DNM3: variants seen among roughly 807,000 people sequenced by gnomAD.
DNM3 encodes dynamin 3.
A neutral mutation model predicts 101.6 loss-of-function variants in DNM3; 47 were observed. That is an observed-to-expected ratio of 0.46 (90% CI 0.37 to 0.59). The LOEUF (loss-of-function observed/expected upper bound fraction) is 0.59, where lower values mean the gene tolerates loss of function less well. Ranked by LOEUF, DNM3 falls within the 20% of genes least tolerant of loss-of-function variation. The pLI is 0.00. For missense variants in DNM3, 849 were observed against 1,085.7 expected (o/e 0.78, Z 3.06); for synonymous variants, 385 against 387.9 (o/e 0.99, Z 0.09).
chr1:172,238,081 C>T (rs2061611065), intron 14 of DNM3, among the ~76,000 whole-genome samples: 3 of 152,156 alleles, frequency 2.0e-5, no homozygotes, highest in Admixed American at 2.0e-4. Context: ...TACATTACTA[C>T]CACTTGGTGC....
chr1:172,235,455 A>G (rs989500381), intron 14 of DNM3, among the ~76,000 whole-genome samples: 10 of 152,324 alleles, frequency 6.6e-5, no homozygotes, highest in Admixed American at 2.0e-4. Flanking sequence ...CTCAGGATCT[A>G]GAACTAGAAA....
At chr1:172,045,024 G>A (rs2049674922) in intron 9 of DNM3, among the ~76,000 whole-genome samples, 1 of 137,518 alleles carries the variant, frequency 7.3e-6, no homozygotes, top group Non-Finnish European at 1.6e-5. Context: ...TAAAAGAAAG[G>A]GCTTTCCGGT....
chr1:172,333,013 G>A (rs2066256102), intron 17 of DNM3, among the ~76,000 whole-genome samples: 1 of 152,176 alleles, frequency 6.6e-6, no homozygotes, highest in Non-Finnish European at 1.5e-5. Flanking sequence ...ATAGAGAGCT[G>A]AGGACAAAAT....
chr1:171,863,001 T>C (rs2034335732), intron 1 of DNM3, among the ~76,000 whole-genome samples: 1 of 151,016 alleles, frequency 6.6e-6, no homozygotes, highest in African/African-American at 2.4e-5. Flanking sequence ...TGTAGATAAC[T>C]CTTCTGAGAA....
intron 14 of DNM3, among the ~76,000 whole-genome samples, chr1:172,243,206 A>G (rs1163331176): frequency 2.0e-5 from 3 of 152,132 alleles, no homozygotes; most frequent in Non-Finnish European, 4.4e-5. Context: ...TAAATTTAAG[A>G]ATATAGAGAT....
chr1:172,271,092 T>G (rs2063067221), intron 15 of DNM3, among the ~76,000 whole-genome samples: 1 of 152,164 alleles, frequency 6.6e-6, no homozygotes, highest in Admixed American at 6.6e-5. Context: ...TTTTCACTCT[T>G]AAAAATTGTT....
rs535271242 is a variant in DNM3 at position 172,347,759 on chromosome 1, C to T, written c.1893+24419C>T. On this transcript the variant is annotated intron_variant, in intron 17 of 20. Transcript: ENST00000627582. ...AATGGGGAAACACAGTATTCAAAGA[C>T]GACTAACAGAACGTTCATAACAGCA... Among the ~76,000 whole-genome samples the T allele has an allele frequency of 1.8e-4, 27 of 152,126 alleles. No homozygotes were observed. In the East Asian group the frequency reaches 4.8e-3, roughly 27 times the overall value.
intron 14 of DNM3, chr1:172,138,970 G>C (rs1403265502): frequency 4.2e-6 from 2 of 470,614 alleles, no homozygotes; most frequent in Non-Finnish European, 8.8e-6. Context: ...TCCAGATTTG[G>C]TGATTTTGGA....
chr1:172,338,765 A>G (rs1332497513), intron 17 of DNM3: 1 of 471,100 alleles, frequency 2.1e-6, no homozygotes, highest in Non-Finnish European at 4.3e-6. Flanking sequence ...ATCTCTTTGT[A>G]CTTTTCTGCT....
chr1:172,277,787 A>G (rs1030484369), intron 15 of DNM3, among the ~76,000 whole-genome samples: 1 of 152,082 alleles, frequency 6.6e-6, no homozygotes, highest in African/African-American at 2.4e-5. Flanking sequence ...AATGTCATTG[A>G]ATTATGTGAC....
chr1:171,970,072 C>A, intron 2 of DNM3: 3 of 188,818 alleles, frequency 1.6e-5, no homozygotes, highest in Non-Finnish European at 3.0e-5. Flanking sequence ...TTGGCGGAAA[C>A]AGATAAAGAT....
intron 2 of DNM3, among the ~76,000 whole-genome samples, chr1:171,937,709 A>G (rs796475723): frequency 5.3e-5 from 8 of 152,274 alleles, no homozygotes; most frequent in African/African-American, 1.9e-4. Context: ...AGCTGGGACC[A>G]CAGGGGTGTG....
At position 172,409,091 on chromosome 1, in the gene DNM3, A is replaced by C. The variant is rs559042244; in HGVS notation, c.*1250A>C. 2.9e-5 allele frequency: 29 copies of C among 985,378 alleles called. No individual in the cohort carries two copies. The African/African-American group carries it at 3.8e-4, about 13-fold the overall frequency. The allele number at this position is 985,378 out of a possible 1,614,324, so 61.0% of individuals were successfully genotyped here. A position where few individuals can be genotyped will look rare whatever the true frequency, so the allele number is the denominator to read the frequency against. ...CAGTTTAGCCTGGGGGTTAATAGTT[A>C]AGTCTTGAGGCTAAGTTTTGGACTA... On this transcript the variant is annotated 3_prime_UTR_variant, in exon 21 of 21. Transcript: ENST00000627582.
chr1:171,863,045 C>CT (rs35240856), intron 1 of DNM3, among the ~76,000 whole-genome samples: 80,679 of 144,092 alleles, frequency 0.56, 22,446 homozygotes, highest in East Asian at 0.81. Context: ...GGAGGGTGTG[C>CT]TTTTTTTTTT....
intron 14 of DNM3, among the ~76,000 whole-genome samples, chr1:172,244,354 G>A (rs1439046523): frequency 1.3e-5 from 2 of 152,086 alleles, no homozygotes; most frequent in South Asian, 2.1e-4. Flanking sequence ...ATTGACAAAT[G>A]GGATCTAATT....
intron 7 of DNM3, among the ~76,000 whole-genome samples, chr1:172,039,939 G>A (rs1487969516): frequency 6.6e-5 from 10 of 152,052 alleles, no homozygotes; most frequent in Non-Finnish European, 2.9e-5. Flanking sequence ...TTGTGTTAAA[G>A]CTAATAAATG....
chr1:171,910,755 G>T (rs972925128), intron 1 of DNM3, among the ~76,000 whole-genome samples: 5 of 152,172 alleles, frequency 3.3e-5, no homozygotes, highest in Non-Finnish European at 7.3e-5. Flanking sequence ...TACTTACTAT[G>T]AGCCTGTAAG....
At chr1:172,359,933 G>A (rs2067656831) in intron 17 of DNM3, among the ~76,000 whole-genome samples, 2 of 151,804 alleles carry the variant, frequency 1.3e-5, no homozygotes, top group African/African-American at 4.8e-5. Flanking sequence ...CATAACCTTT[G>A]CCCTATTTTC....
chr1:172,378,891 A>C (rs1409035554), intron 17 of DNM3, 127 bp from the exon 18 acceptor site: 1 of 1,082,188 alleles, frequency 9.2e-7, no homozygotes, highest in Non-Finnish European at 1.3e-6. Context: ...TAAGATAAAA[A>C]TGTTACCATC....
Sources: allele counts gnomAD v4.1 joint callset (sites outside exome capture counted in the v4.1 genomes callset), GRCh38; gene constraint gnomAD v4.1.1; transcripts MANE v1.5; gene names NCBI Gene and HGNC (gene_info 2026-07-23, HGNC 2026-07-21).